Variants in XDH observed in about 807,000 individuals in gnomAD.
XDH encodes xanthine dehydrogenase/oxidase.
A neutral mutation model predicts 156.1 loss-of-function variants in XDH; 138 were observed. The ratio of observed to expected loss-of-function variants is 0.88; its 90% CI spans 0.77 to 1.02. The LOEUF is 1.02. Ranked by LOEUF, XDH falls within the 50% of genes least tolerant of loss-of-function variation. The pLI, the probability that XDH is intolerant of heterozygous loss-of-function variation, is 0.00. For missense variants in XDH, 1,849 were observed against 1,684.9 expected (o/e 1.10, Z -1.71); for synonymous variants, 669 against 625.7 (o/e 1.07, Z -1.03).
At chr2:31,380,909 T>C (rs1272780493) in intron 12 of XDH, among the ~76,000 whole-genome samples, 1 of 152,196 alleles carries the variant, frequency 6.6e-6, no homozygotes, top group Non-Finnish European at 1.5e-5. Flanking sequence ...AACAGCAAAA[T>C]GAAGTACTTA....
Position 31,346,817 on chromosome 2 carries a change from C to G in XDH, c.3303G>C (p.Arg1101Ser). 1 of 1,614,144 alleles carries G rather than the reference C, an allele frequency of 6.2e-7. No homozygotes were observed. The highest frequency in any genetic ancestry group is 8.5e-7 in the Non-Finnish European group (1 of 1,180,042). Residue 1101 changes from arginine to serine, a missense_variant, in exon 30 of 36, where the codon AGG becomes AGC. By Grantham distance (110) the Arg-to-Ser change is moderately radical. Coordinates refer to ENST00000379416, the MANE Select transcript of XDH (RefSeq NM_000379.4). ...GATTCTTCTTCTTGTAGGGTTCCAGCCTTTTCAAGATGGTCTGACAAGCCG... is the reference window on the plus strand; with the variant it reads ...GATTCTTCTTCTTGTAGGGTTCCAGGCTTTTCAAGATGGTCTGACAAGCCG... ...VYAACQTILK[R>S]LEPYKKKNPS... is the part of the protein sequence containing the mutation.
intron 20 of XDH, among the ~76,000 whole-genome samples, chr2:31,367,677 G>T (rs551106960): frequency 8.7e-4 from 133 of 152,184 alleles, no homozygotes; most frequent in Non-Finnish European, 1.7e-3. Context: ...AGGCTGTCAG[G>T]CATATGTGGC....
At chr2:31,338,001 G>C (rs959751954) in intron 34 of XDH, among the ~76,000 whole-genome samples, 184 bp from the exon 35 acceptor site, 5 of 152,322 alleles carry the variant, frequency 3.3e-5, no homozygotes, top group South Asian at 2.1e-4. Flanking sequence ...CAGGGGCTAA[G>C]AACAATCAAG....
chr2:31,414,398 TC>T (rs1687420556), intron 1 of XDH, among the ~76,000 whole-genome samples: 1 of 151,648 alleles, frequency 6.6e-6, no homozygotes, highest in African/African-American at 2.4e-5. Flanking sequence ...CTTGCCTCTC[TC>T]TCCCTCATTC....
intron 18 of XDH, 32 bp from the exon 19 acceptor site, chr2:31,368,692 A>T (rs1685989762): frequency 6.2e-7 from 1 of 1,614,240 alleles, no homozygotes; most frequent in South Asian, 1.1e-5. Context: ...TAAAGAACGC[A>T]ACCAGGCTCA....
chr2:31,380,002 G>C, intron 12 of XDH, 26 bp from the exon 13 acceptor site: 1 of 1,609,378 alleles, frequency 6.2e-7, no homozygotes, highest in South Asian at 1.1e-5. Context: ...ATGAAGAGGA[G>C]CCAAAGTGAG....
chr2:31,398,914 T>C (rs565206455), intron 4 of XDH, among the ~76,000 whole-genome samples: 97 of 152,332 alleles, frequency 6.4e-4, no homozygotes, highest in African/African-American at 2.2e-3. Context: ...GGACCATCCT[T>C]GTAGTTACCT....
In XDH at chr2:31,388,378, G is replaced by T. The variant is rs925633764; in HGVS notation, c.496-83C>A. The stretch of plus-strand genomic sequence containing the variant: ...AAGGAATCTAGATTACTAATATCCA[G>T]AACACTCCAGCTCTGACGCCTGTCC... On this transcript the variant is annotated intron_variant, in intron 6 of 35. Transcript: ENST00000379416. The T allele has an allele frequency of 1.1e-5, 16 of 1,471,712 alleles. No individual in the cohort carries two copies. In the African/African-American group the frequency reaches 1.4e-4, roughly 13 times the overall value. 91.2% of individuals were successfully genotyped at this position (1,471,712 alleles called of 1,614,324 possible). A position where few individuals can be genotyped will look rare whatever the true frequency, so the allele number is the denominator to read the frequency against.
intron 24 of XDH, 122 bp downstream of exon 24, chr2:31,364,036 G>A (rs1685844220): frequency 1.2e-6 from 1 of 827,866 alleles, no homozygotes; most frequent in Non-Finnish European, 2.1e-6. Flanking sequence ...CTGAAGGTGG[G>A]GACCCATTAG....
intron 1 of XDH, among the ~76,000 whole-genome samples, chr2:31,410,611 TA>T (rs912369777): frequency 6.6e-6 from 1 of 152,044 alleles, no homozygotes; most frequent in Non-Finnish European, 1.5e-5. Context: ...AAACTGACGT[TA>T]AAAAAACAAA....
intron 6 of XDH, among the ~76,000 whole-genome samples, chr2:31,392,088 G>C (rs1216090491): frequency 6.6e-6 from 1 of 152,140 alleles, no homozygotes; most frequent in African/African-American, 2.4e-5. Flanking sequence ...AAGTATATGA[G>C]CATAGAGTTG....
chr2:31,375,520 C>T lies in XDH; in HGVS notation c.1462G>A (p.Ala488Thr). The T allele has an allele frequency of 3.1e-6, 5 of 1,613,964 alleles. No individual in the cohort carries two copies. The highest frequency in any genetic ancestry group is 3.4e-6 in the Non-Finnish European group (4 of 1,180,042). Residue 488 changes from alanine (A) to threonine (T), a missense_variant, in exon 15 of 36, where the codon GCA becomes ACA. Ala to Thr is a moderately conservative substitution (Grantham distance 58, BLOSUM62 0). Transcript: ENST00000379416. ...AGATGCAGCTCCTCTGCCAGTCCTG[C>T]ACACACGTCCTGCAGCAGCTCCTCC... ...WKEELLQDVC[A>T]GLAEELHLPP...
chr2:31,364,307 C>G, intron 23 of XDH, 63 bp from the exon 24 acceptor site: 2 of 1,497,708 alleles, frequency 1.3e-6, no homozygotes, highest in Non-Finnish European at 1.9e-6. Context: ...TCTCTGTCTC[C>G]CTCTGATCCT....
chr2:31,398,690 C>T lies in XDH; in HGVS notation c.316G>A (p.Ala106Thr). The T allele has an allele frequency of 6.2e-7, 1 of 1,613,924 alleles. No individual in the cohort carries two copies. Among genetic ancestry groups the T allele is most frequent in the South Asian group, 1.1e-5 (1 of 91,068 alleles). The change falls in exon 5 of 36, where the codon GCC becomes ACC. Residue 106 changes from alanine (A) to threonine (T), a missense_variant. Ala to Thr is a moderately conservative substitution (Grantham distance 58). Coordinates refer to ENST00000379416, the MANE Select transcript of XDH (RefSeq NM_000379.4). ...CCGCACTGGGAGCCGTGGCTTTTGGCAATTCTCTCCTAAAAGATACAGATG... is the reference window on the plus strand; with the variant it reads ...CCGCACTGGGAGCCGTGGCTTTTGGTAATTCTCTCCTAAAAGATACAGATG... ...TRLHPVQERI[A>T]KSHGSQCGFC...
intron 23 of XDH, 26 bp from the exon 24 acceptor site, chr2:31,364,270 T>A: frequency 6.2e-7 from 1 of 1,600,520 alleles, no homozygotes; most frequent in Non-Finnish European, 8.6e-7. Context: ...AGGAGAGGGA[T>A]TTATCATAAG....
At position 31,377,385 on chromosome 2, in the gene XDH, A is replaced by G. The variant is rs542025651; in HGVS notation, c.1243-148T>C. 1.5e-5 allele frequency: 12 copies of G among 822,832 alleles called. No homozygotes were observed. The South Asian group carries it at 1.6e-4, about 11-fold the overall frequency. 51.0% of individuals were successfully genotyped at this position (822,832 alleles called of 1,614,324 possible). ...AACTGGCCCCGGGAATCAAAGATCA[A>G]ATGTAACTGATTACCACCTGTTTAG... On this transcript the variant is annotated intron_variant, in intron 13 of 35. Transcript: ENST00000379416.
At chr2:31,383,722 C>A (rs1466145918) in intron 10 of XDH, 33 bp downstream of exon 10, 1 of 1,602,458 alleles carries the variant, frequency 6.2e-7, no homozygotes, top group South Asian at 1.1e-5. Flanking sequence ...GCCTCACAGC[C>A]CCTCCATAAG....
intron 9 of XDH, among the ~76,000 whole-genome samples, chr2:31,385,102 TG>T (rs1033973374): frequency 6.6e-6 from 1 of 151,778 alleles, no homozygotes; most frequent in African/African-American, 2.4e-5. Context: ...GAGGCTGGGG[TG>T]GGGGACCACA....
At chr2:31,404,927 A>C (rs1384650944) in intron 2 of XDH, among the ~76,000 whole-genome samples, 1 of 152,226 alleles carries the variant, frequency 6.6e-6, no homozygotes, top group East Asian at 1.9e-4. Flanking sequence ...GCTGTCCCCA[A>C]ATATGTCACT....
Sources: gnomAD v4.1 joint callset for allele counts (sites outside exome capture counted in the v4.1 genomes callset) on GRCh38, gnomAD v4.1.1 for gene constraint, MANE v1.5 for transcripts, NCBI Gene and HGNC (gene_info 2026-07-23, HGNC 2026-07-21) for gene names.